Variants in TMEM178B observed in about 807,000 individuals in gnomAD.
The protein encoded by TMEM178B is transmembrane protein 178B.
Under a neutral mutation model 31.0 loss-of-function variants are expected in TMEM178B, and 5 were observed. The ratio of observed to expected loss-of-function variants is 0.16; its 90% CI spans 0.08 to 0.34. TMEM178B has a LOEUF of 0.34. Ranked by LOEUF, TMEM178B falls within the 10% of genes least tolerant of loss-of-function variation. The pLI is 1.00. For missense variants in TMEM178B, 275 were observed against 400.3 expected (o/e 0.69, Z 2.67); for synonymous variants, 164 against 164.0 (o/e 1.00, Z 0.00).
At chr7:141,446,074 G>A (rs937107629) in intron 3 of TMEM178B, among the ~76,000 whole-genome samples, 1 of 152,322 alleles carries the variant, frequency 6.6e-6, no homozygotes, top group Admixed American at 6.5e-5. Context: ...TGAGGGAGAA[G>A]ACACATTGTC....
chr7:141,334,027 A>C (rs1799341130), intron 2 of TMEM178B, among the ~76,000 whole-genome samples: 1 of 152,200 alleles, frequency 6.6e-6, no homozygotes. Flanking sequence ...AGGGCCCAGG[A>C]AGAGGAGGGT....
At chr7:141,297,229 C>T (rs1798649508) in intron 2 of TMEM178B, 1 of 152,186 alleles carries the variant, frequency 6.6e-6, no homozygotes, top group Non-Finnish European at 1.5e-5. Flanking sequence ...TAACTCTAGA[C>T]TCTTTCTTTA....
chr7:141,426,750 A>G (rs1275269766), intron 2 of TMEM178B, among the ~76,000 whole-genome samples: 1 of 152,170 alleles, frequency 6.6e-6, no homozygotes, highest in African/African-American at 2.4e-5. Flanking sequence ...CATAAGAATA[A>G]TTATTAAGTA....
intron 1 of TMEM178B, among the ~76,000 whole-genome samples, chr7:141,182,116 G>GAATATGACACAGAGAAAC (rs1159492753): frequency 1.7e-3 from 253 of 152,272 alleles, no homozygotes; most frequent in East Asian, 6.8e-3. Context: ...AGACCTATGA[G>GAATATGACACAGAGAAAC]AATATGACAC....
chr7:141,498,475 A>G, the TMEM178B span, among the ~76,000 whole-genome samples: 1 of 152,190 alleles, frequency 6.6e-6, no homozygotes, highest in African/African-American at 2.4e-5. Flanking sequence ...GCCTCTTTAT[A>G]CCATGGGAAT....
intron 1 of TMEM178B, among the ~76,000 whole-genome samples, chr7:141,147,168 G>C (rs1378058217): frequency 6.6e-6 from 1 of 152,176 alleles, no homozygotes; most frequent in Non-Finnish European, 1.5e-5. Flanking sequence ...GTGAAGGAAA[G>C]ATTGGTAGTA....
intron 1 of TMEM178B, among the ~76,000 whole-genome samples, chr7:141,182,571 A>C (rs1796547237): frequency 6.6e-6 from 1 of 152,180 alleles, no homozygotes; most frequent in African/African-American, 2.4e-5. Context: ...ACCTGGCCGG[A>C]AAGAATTAGT....
At chr7:141,433,757 A>G (rs1359533612) in intron 2 of TMEM178B, among the ~76,000 whole-genome samples, 3 of 152,204 alleles carry the variant, frequency 2.0e-5, no homozygotes, top group Admixed American at 1.3e-4. Flanking sequence ...TTCTTGTCCT[A>G]TCTACCTTAT....
At chr7:141,322,690 G>A (rs1018556155) in intron 2 of TMEM178B, among the ~76,000 whole-genome samples, 2 of 152,176 alleles carry the variant, frequency 1.3e-5, no homozygotes, top group African/African-American at 4.8e-5. Context: ...GCTTGGAGGT[G>A]CATGGGGTAT....
chr7:141,205,256 T>C (rs1796944210), intron 1 of TMEM178B, among the ~76,000 whole-genome samples: 1 of 152,242 alleles, frequency 6.6e-6, no homozygotes, highest in Non-Finnish European at 1.5e-5. Context: ...TTAAAAACTC[T>C]TAAAGTCCTG....
intron 1 of TMEM178B, among the ~76,000 whole-genome samples, chr7:141,163,535 C>T (rs1481810004): frequency 4.2e-5 from 6 of 142,562 alleles, no homozygotes; most frequent in African/African-American, 1.0e-4. Context: ...TTTTTTGAGA[C>T]GGTGTCTTGT....
intron 2 of TMEM178B, among the ~76,000 whole-genome samples, chr7:141,262,438 A>T (rs1798027236): frequency 6.7e-6 from 1 of 150,044 alleles, no homozygotes; most frequent in Admixed American, 6.6e-5. Context: ...TTAAAGAGGT[A>T]AAACCATTCC....
At chr7:141,097,207 A>G (rs1794974307) in intron 1 of TMEM178B, among the ~76,000 whole-genome samples, 1 of 151,952 alleles carries the variant, frequency 6.6e-6, no homozygotes, top group Non-Finnish European at 1.5e-5. Context: ...CAACTGTAAT[A>G]TGAATCCTAT....
rs183242477 is a variant in TMEM178B, at chr7:141,131,981, G to A, written c.382+57289G>A. Among the ~76,000 whole-genome samples, 215 of 152,230 alleles carry A rather than the reference G, an allele frequency of 1.4e-3. 3 individuals carry two copies. Among genetic ancestry groups the A allele is most frequent in the Admixed American group, 3.5e-3 (53 of 15,290 alleles). On this transcript the variant is annotated intron_variant, in intron 1 of 3. Coordinates refer to ENST00000565468, the MANE Select transcript of TMEM178B (RefSeq NM_001195278.2). ...TGTTATCATGTTAGTATGGTCATGA[G>A]TATGCAGTTCTGTTTGTACACGCAC...
intron 2 of TMEM178B, among the ~76,000 whole-genome samples, chr7:141,261,859 G>C (rs1798018908): frequency 6.6e-6 from 1 of 152,116 alleles, no homozygotes; most frequent in Non-Finnish European, 1.5e-5. Flanking sequence ...TACTCATTTT[G>C]CACCTTGAGC....
intron 2 of TMEM178B, among the ~76,000 whole-genome samples, chr7:141,241,318 G>A (rs368892804): frequency 4.0e-5 from 6 of 151,798 alleles, no homozygotes; most frequent in Non-Finnish European, 7.4e-5. Context: ...CTGGCCTGGC[G>A]CGGTGGCTCA....
intron 2 of TMEM178B, among the ~76,000 whole-genome samples, chr7:141,437,166 G>A (rs2116680715): frequency 6.6e-6 from 1 of 152,348 alleles, no homozygotes; most frequent in Non-Finnish European, 1.5e-5. Flanking sequence ...GCTCCTTGGA[G>A]AGGCTGAGTG....
intron 2 of TMEM178B, chr7:141,431,182 TC>T (rs1490285917): frequency 1.3e-5 from 2 of 151,086 alleles, no homozygotes; most frequent in Admixed American, 6.6e-5. Context: ...TTTTTTTTTT[TC>T]CATGAAAAAA....
the TMEM178B span, among the ~76,000 whole-genome samples, chr7:141,501,133 T>G: frequency 6.6e-6 from 1 of 152,022 alleles, no homozygotes; most frequent in East Asian, 1.9e-4. Context: ...AGATCAGAAT[T>G]TGCATTTAGG....
Sources: gnomAD v4.1 joint callset for allele counts (sites outside exome capture counted in the v4.1 genomes callset) on GRCh38, gnomAD v4.1.1 for gene constraint, MANE v1.5 for transcripts, NCBI Gene and HGNC (gene_info 2026-07-23, HGNC 2026-07-21) for gene names.